The following AGGF1 variants were observed in gnomAD, a reference collection of about 807,000 sequenced individuals.
AGGF1 encodes angiogenic factor with G patch and FHA domains 1.
In AGGF1, 56 loss-of-function variants were observed where a neutral mutation model predicts 86.5. That is an observed-to-expected ratio of 0.65 (90% CI 0.52 to 0.81). AGGF1 has a LOEUF of 0.81. Ranked by LOEUF, AGGF1 falls within the 30% of genes least tolerant of loss-of-function variation. AGGF1 has a pLI of 0.00. For synonymous variants in AGGF1, 313 were observed against 297.1 expected, an observed-to-expected ratio of 1.05 and a Z score of -0.55; for missense variants, 816 against 850.9, an observed-to-expected ratio of 0.96 and a Z score of 0.51.
intron 5 of AGGF1, among the ~76,000 whole-genome samples, chr5:77,040,277 T>A (rs1308042558): frequency 2.0e-5 from 3 of 152,032 alleles, no homozygotes; most frequent in Non-Finnish European, 4.4e-5. Flanking sequence ...TCTGGCTAAT[T>A]TTTTTGTAAT....
At chr5:77,061,033 G>A (rs1470943339) in intron 12 of AGGF1, among the ~76,000 whole-genome samples, 2 of 152,124 alleles carry the variant, frequency 1.3e-5, no homozygotes, top group Non-Finnish European at 2.9e-5. Context: ...GGACAAAAAT[G>A]CAAACTGATT....
rs559855485 is a variant in AGGF1 at position 77,047,913 on chromosome 5, A to G, written c.1202-248A>G. On this transcript the variant is annotated intron_variant, in intron 6 of 13. Coordinates refer to ENST00000312916, the MANE Select transcript of AGGF1 (RefSeq NM_018046.5). The stretch of plus-strand genomic sequence containing the variant: ...CAGATTCTGAAACCTTAAAAAAGAA[A>G]GAGTTGATTATTTGATAACTGTGAT... Among the ~76,000 whole-genome samples, 8 of 152,158 alleles carry G rather than the reference A, an allele frequency of 5.3e-5. No individual in the cohort carries two copies. In the South Asian group the frequency reaches 6.2e-4, roughly 12 times the overall value.
rs750516958 is a variant in AGGF1 at position 77,035,644 on chromosome 5, T to G, written c.417T>G (p.Ser139=). The part of the protein sequence containing the change: ...DQAIETSILN[S]KDHLQVENDA... Reference sequence around the variant, plus strand: ...CTATCGAAACTTCTATTTTGAATTCTAAAGACCATTTACAAGTAGAAAATG... The same window carrying G: ...CTATCGAAACTTCTATTTTGAATTCGAAAGACCATTTACAAGTAGAAAATG... The change falls in exon 3 of 14, where the codon TCT becomes TCG. Residue 139 remains serine, a synonymous_variant. Coordinates refer to ENST00000312916, the MANE Select transcript of AGGF1 (RefSeq NM_018046.5). 14 of 1,613,676 alleles carry G rather than the reference T, an allele frequency of 8.7e-6. No individual in the cohort carries two copies. The highest frequency in any genetic ancestry group is 1.1e-5 in the Non-Finnish European group (13 of 1,179,686).
chr5:77,043,742 A>AT, intron 5 of AGGF1, among the ~76,000 whole-genome samples: 1 of 131,206 alleles, frequency 7.6e-6, no homozygotes, highest in African/African-American at 2.8e-5. Flanking sequence ...CACTTCCCAG[A>AT]TGGGGTGGCT....
intron 5 of AGGF1, among the ~76,000 whole-genome samples, chr5:77,043,978 A>G (rs865936903): frequency 3.9e-5 from 5 of 127,050 alleles, no homozygotes; most frequent in East Asian, 2.5e-4. Context: ...CATCTCAGAC[A>G]ATGGGCGGCC....
In AGGF1 at chr5:77,034,019, G is replaced by A. The variant is rs559971815; in HGVS notation, c.211-399G>A. On this transcript the variant is annotated intron_variant, in intron 1 of 13. Transcript: ENST00000312916. ...CTTGTAAGTGGCATTAACATATTCA[G>A]GTGGATAGTTAATTCCCAGTGGAGA... Among the ~76,000 whole-genome samples, 158 of 152,314 alleles carry A rather than the reference G, an allele frequency of 1.0e-3. 1 individual carries two copies. Among genetic ancestry groups the A allele is most frequent in the Middle Eastern group, 6.8e-3 (2 of 294 alleles).
At chr5:77,050,717 ATGT>A (rs1309743900) in intron 8 of AGGF1, among the ~76,000 whole-genome samples, 3 of 152,240 alleles carry the variant, frequency 2.0e-5, no homozygotes, top group African/African-American at 7.2e-5. Flanking sequence ...TGCTCTTTAT[ATGT>A]TAAGAAACCA....
intron 2 of AGGF1, 86 bp from the exon 3 acceptor site, chr5:77,035,455 G>A: frequency 1.0e-6 from 1 of 1,000,564 alleles, no homozygotes; most frequent in Non-Finnish European, 1.5e-6. Flanking sequence ...TGCTTTTTGT[G>A]TTTAAATGCC....
intron 5 of AGGF1, 151 bp downstream of exon 5, chr5:77,039,870 G>T: frequency 1.6e-6 from 1 of 640,294 alleles, no homozygotes; most frequent in Non-Finnish European, 2.6e-6. Flanking sequence ...GAGCAAACAT[G>T]GACTTTTTCA....
chr5:77,059,566 TTTTA>T lies in AGGF1; in HGVS notation c.1717-44_1717-41del, dbSNP rs769266429. The T allele has an allele frequency of 5.9e-6, 9 of 1,533,630 alleles. No homozygotes were observed. The African/African-American group carries it at 1.1e-4, about 19-fold the overall frequency. On this transcript the variant is annotated intron_variant, in intron 11 of 13. Coordinates refer to ENST00000312916, the MANE Select transcript of AGGF1 (RefSeq NM_018046.5). ...AAGTAAGGCACATGTACAGAAATTG[TTTTA>T]TTTATCAGCTTTCTTTTCCTGAATG...
chr5:77,041,788 T>A (rs12517772), intron 5 of AGGF1, among the ~76,000 whole-genome samples: 1 of 130,054 alleles, frequency 7.7e-6, no homozygotes, highest in South Asian at 2.3e-4. Flanking sequence ...GAACTTTTTT[T>A]ATTTATTTAT....
intron 11 of AGGF1, among the ~76,000 whole-genome samples, chr5:77,058,232 G>A (rs1264996295): frequency 6.6e-6 from 1 of 151,986 alleles, no homozygotes; most frequent in African/African-American, 2.4e-5. Context: ...TTTTAAAAAA[G>A]TTACCACTTA....
At chr5:77,062,146 T>C (rs543737090) in intron 13 of AGGF1, among the ~76,000 whole-genome samples, 23 of 152,206 alleles carry the variant, frequency 1.5e-4, no homozygotes, top group Non-Finnish European at 2.6e-4. Context: ...AGGTGGATTG[T>C]GTATGAGCTG....
chr5:77,043,561 G>A (rs1338979282), intron 5 of AGGF1, among the ~76,000 whole-genome samples: 5 of 140,098 alleles, frequency 3.6e-5, no homozygotes, highest in African/African-American at 7.8e-5. Flanking sequence ...CCTCCCGGAC[G>A]GCACGGCTGG....
intron 9 of AGGF1, 92 bp downstream of exon 9, chr5:77,052,899 C>A: frequency 1.8e-6 from 2 of 1,110,394 alleles, no homozygotes; most frequent in South Asian, 1.3e-5. Context: ...TCATTTGGTT[C>A]AGAGTAGAGT....
At position 77,030,959 on chromosome 5, in the gene AGGF1, C is replaced by G. The variant is rs748145570; in HGVS notation, c.193C>G (p.Gln65Glu). Residue 65 changes from glutamine to glutamate, a missense_variant, in exon 1 of 14, where the codon CAG becomes GAG. Gln to Glu is a conservative substitution (Grantham distance 29, BLOSUM62 2). This residue lies in a region of AGGF1 where 240 missense variants were observed against 234.4 expected (regional missense o/e 1.02). Coordinates refer to ENST00000312916, the MANE Select transcript of AGGF1 (RefSeq NM_018046.5). Reference sequence around the variant, plus strand: ...GTACCAGAACGCAGAAAGCAACAACCAGGAGCTCCGCACGCAGGTGCGCGG... The same window carrying G: ...GTACCAGAACGCAGAAAGCAACAACGAGGAGCTCCGCACGCAGGTGCGCGG... The part of the protein sequence containing the change: ...RLYQNAESNN[Q>E]ELRTQVEELS... 50 of 1,612,394 alleles carry G rather than the reference C, an allele frequency of 3.1e-5. 2 individuals carry two copies. The South Asian group carries it at 4.9e-4, about 16-fold the overall frequency.
At chr5:77,038,843 A>T (rs1041504425) in intron 4 of AGGF1, among the ~76,000 whole-genome samples, 2 of 152,114 alleles carry the variant, frequency 1.3e-5, no homozygotes, top group African/African-American at 4.8e-5. Context: ...AATATAGGTG[A>T]TTACCTAATT....
chr5:77,061,616 A>G lies in AGGF1; in HGVS notation c.1845-87A>G, dbSNP rs2150736035. On this transcript the variant is annotated intron_variant, in intron 12 of 13. Transcript: ENST00000312916. ...CCAAGCGGTTTTCTAAAGTAGTTGTACCAATTACTTTTAATTCATGAATTT... is the reference window on the plus strand; with the variant it reads ...CCAAGCGGTTTTCTAAAGTAGTTGTGCCAATTACTTTTAATTCATGAATTT... 5 of 1,324,998 alleles carry G rather than the reference A, an allele frequency of 3.8e-6. 1 individual carries two copies. The highest frequency in any genetic ancestry group is 5.4e-6 in the Non-Finnish European group (5 of 930,054). The allele number at this position is 1,324,998 out of a possible 1,614,324, so 82.1% of individuals were successfully genotyped here. A position where few individuals can be genotyped will look rare whatever the true frequency, so the allele number is the denominator to read the frequency against.
At chr5:77,052,051 A>T (rs571310875) in intron 8 of AGGF1, among the ~76,000 whole-genome samples, 38 of 152,268 alleles carry the variant, frequency 2.5e-4, no homozygotes, top group African/African-American at 9.1e-4. Context: ...TTCAAATCAC[A>T]TTTTGTATTA....
Sources: gnomAD v4.1 joint callset for allele counts (sites outside exome capture counted in the v4.1 genomes callset) on GRCh38, gnomAD v4.1.1 for gene constraint, gnomAD v4.1.1 regional missense constraint, MANE v1.5 for transcripts, NCBI Gene and HGNC (gene_info 2026-07-23, HGNC 2026-07-21) for gene names.